The following PALM2AKAP2 variants were observed in gnomAD, a reference collection of about 807,000 sequenced individuals.
PALM2AKAP2 encodes PALM2 and AKAP2 fusion.
A neutral mutation model predicts 71.5 loss-of-function variants in PALM2AKAP2; 37 were observed. The ratio of observed to expected loss-of-function variants is 0.52; its 90% CI spans 0.40 to 0.68. The LOEUF is 0.68. PALM2AKAP2 is among the 30% of genes least tolerant of loss of function. The probability of loss-of-function intolerance (pLI) is 0.00; values close to 1 mark genes in which losing one functional copy is unlikely to be tolerated. For synonymous variants in PALM2AKAP2, 468 were observed against 478.8 expected, an observed-to-expected ratio of 0.98 and a Z score of 0.29; for missense variants, 1,224 against 1,191.8, an observed-to-expected ratio of 1.03 and a Z score of -0.40.
intron 3 of PALM2AKAP2, among the ~76,000 whole-genome samples, chr9:109,918,541 C>T (rs2131930365): frequency 1.3e-5 from 2 of 152,338 alleles, no homozygotes; most frequent in Non-Finnish European, 2.9e-5. Context: ...ACACTTCCTG[C>T]CCATTCTTTA....
intron 6 of PALM2AKAP2, among the ~76,000 whole-genome samples, chr9:110,013,086 C>G (rs373488130): frequency 2.6e-5 from 4 of 152,268 alleles, no homozygotes; most frequent in Admixed American, 2.6e-4. Flanking sequence ...TGATCTAGAC[C>G]TGGCTTGGCT....
intron 1 of PALM2AKAP2, among the ~76,000 whole-genome samples, chr9:109,786,618 A>G (rs902363155): frequency 2.0e-5 from 3 of 152,200 alleles, no homozygotes; most frequent in Non-Finnish European, 2.9e-5. Flanking sequence ...CTTTGGGCCC[A>G]TGCAGGGTCA....
At chr9:110,060,161 G>A (rs1310350516) in intron 1 of PALM2AKAP2, among the ~76,000 whole-genome samples, 1 of 152,108 alleles carries the variant, frequency 6.6e-6, no homozygotes, top group African/African-American at 2.4e-5. Flanking sequence ...TGCCCAGGCT[G>A]GAATGCAATG....
intron 1 of PALM2AKAP2, among the ~76,000 whole-genome samples, chr9:109,723,701 T>A (rs755734902): frequency 9.9e-5 from 15 of 152,216 alleles, no homozygotes; most frequent in Non-Finnish European, 1.9e-4. Flanking sequence ...TTCCAACTAA[T>A]TCAGTATGGC....
intron 2 of PALM2AKAP2, among the ~76,000 whole-genome samples, chr9:110,140,657 G>A (rs1836004851): frequency 6.6e-6 from 1 of 152,106 alleles, no homozygotes; most frequent in Admixed American, 6.5e-5. Context: ...TTTATTATCT[G>A]TAATATGTTT....
intron 1 of PALM2AKAP2, among the ~76,000 whole-genome samples, chr9:109,690,233 G>A (rs991746700): frequency 1.3e-5 from 2 of 152,234 alleles, no homozygotes; most frequent in East Asian, 1.9e-4. Flanking sequence ...CTAGAAATAT[G>A]TACTTTTAAA....
intron 6 of PALM2AKAP2, among the ~76,000 whole-genome samples, chr9:109,999,511 G>T (rs1302522316): frequency 6.6e-6 from 1 of 152,100 alleles, no homozygotes; most frequent in African/African-American, 2.4e-5. Context: ...TGTTCCCAGT[G>T]CCCTCTGCCT....
intron 1 of PALM2AKAP2, among the ~76,000 whole-genome samples, chr9:110,123,867 C>G (rs748005440): frequency 2.6e-5 from 4 of 152,204 alleles, no homozygotes; most frequent in Non-Finnish European, 4.4e-5. Context: ...TCTTCATTCT[C>G]AAGCAGAGCA....
chr9:109,849,681 G>C (rs935795937), intron 1 of PALM2AKAP2, among the ~76,000 whole-genome samples: 6 of 152,082 alleles, frequency 3.9e-5, no homozygotes, highest in African/African-American at 1.4e-4. Context: ...ACTTGAACCC[G>C]GGAGGCGAAG....
intron 1 of PALM2AKAP2, among the ~76,000 whole-genome samples, chr9:110,098,125 C>T (rs1305616839): frequency 7.8e-6 from 1 of 127,408 alleles, no homozygotes; most frequent in Non-Finnish European, 1.6e-5. Flanking sequence ...AGTCCAGCTT[C>T]GGCTCGGCAT....
At chr9:109,887,470 A>G (rs890965519) in intron 3 of PALM2AKAP2, among the ~76,000 whole-genome samples, 3 of 152,210 alleles carry the variant, frequency 2.0e-5, no homozygotes, top group African/African-American at 7.2e-5. Flanking sequence ...AAATAAAACT[A>G]TATATGCTAT....
rs576972133 is a variant in PALM2AKAP2, at chr9:109,981,833, G to T, written c.497-34121G>T. On this transcript the variant is annotated intron_variant, in intron 6 of 9. Coordinates refer to the PALM2AKAP2 transcript ENST00000302798. The stretch of plus-strand genomic sequence containing the variant: ...AATGCCGGCAAGGATGTAGAGAAAA[G>T]GGAACACTCTTGGTGGGAGTGTAAA... Among the ~76,000 whole-genome samples the T allele has an allele frequency of 1.1e-4, 16 of 152,250 alleles. No individual in the cohort carries two copies. The Middle Eastern group carries it at 0.01, about 97-fold the overall frequency.
chr9:109,800,459 A>AG (rs1366143437), intron 1 of PALM2AKAP2, among the ~76,000 whole-genome samples: 1 of 152,220 alleles, frequency 6.6e-6, no homozygotes, highest in Non-Finnish European at 1.5e-5. Flanking sequence ...ATTCAAACTC[A>AG]GATCTGTCTG....
chr9:110,038,558 T>G (rs1021150824), intron 7 of PALM2AKAP2, among the ~76,000 whole-genome samples: 13 of 151,958 alleles, frequency 8.6e-5, no homozygotes, highest in Admixed American at 2.6e-4. Flanking sequence ...AGTGCTGTCT[T>G]GGTGAAAAAA....
intron 7 of PALM2AKAP2, among the ~76,000 whole-genome samples, chr9:110,021,122 A>G (rs1833066982): frequency 1.3e-5 from 2 of 152,172 alleles, no homozygotes; most frequent in Non-Finnish European, 2.9e-5. Flanking sequence ...TAATACTAAT[A>G]ATCTTGAGAT....
chr9:110,095,957 T>C (rs1687974028), intron 1 of PALM2AKAP2, among the ~76,000 whole-genome samples: 1 of 152,194 alleles, frequency 6.6e-6, no homozygotes, highest in Admixed American at 6.5e-5. Flanking sequence ...TTGTGCAACA[T>C]TGTTCAATCA....
At chr9:110,011,014 A>AAAATATATATAT (rs35212981) in intron 6 of PALM2AKAP2, among the ~76,000 whole-genome samples, 16 of 69,582 alleles carry the variant, frequency 2.3e-4, no homozygotes, top group African/African-American at 7.0e-4. Context: ...AAAAAAAAAA[A>AAAATATATATAT]ATATATATAT....
At chr9:110,019,114 C>T (rs1474084314) in intron 7 of PALM2AKAP2, among the ~76,000 whole-genome samples, 1 of 151,800 alleles carries the variant, frequency 6.6e-6, no homozygotes, top group Non-Finnish European at 1.5e-5. Flanking sequence ...TGGCGCGTGC[C>T]TGTAATCCAA....
intron 1 of PALM2AKAP2, among the ~76,000 whole-genome samples, chr9:109,786,652 G>A (rs1053456894): frequency 5.3e-5 from 8 of 152,142 alleles, no homozygotes; most frequent in Admixed American, 5.2e-4. Context: ...GAGTGCCAAG[G>A]CAGGCCTTAC....
Sources: gnomAD v4.1 joint callset for allele counts (sites outside exome capture counted in the v4.1 genomes callset) on GRCh38, gnomAD v4.1.1 for gene constraint, MANE v1.5 for transcripts, NCBI Gene and HGNC (gene_info 2026-07-23, HGNC 2026-07-21) for gene names.